Variants in TACR1 observed in about 807,000 individuals in gnomAD.
The protein encoded by TACR1 is tachykinin receptor 1, also known as substance-P receptor.
TACR1 carries 25 observed loss-of-function variants against 35.8 expected under a neutral mutation model. The ratio of observed to expected loss-of-function variants is 0.70; its 90% CI spans 0.51 to 0.98. TACR1 has a LOEUF of 0.98. TACR1 is among the 50% of genes least tolerant of loss of function. The probability of loss-of-function intolerance (pLI) is 0.00; values close to 1 mark genes in which losing one functional copy is unlikely to be tolerated. For missense variants in TACR1, 478 were observed against 522.9 expected (o/e 0.91, Z 0.84); for synonymous variants, 195 against 206.7 (o/e 0.94, Z 0.48).
chr2:75,129,627 A>G (rs546878615), intron 1 of TACR1, among the ~76,000 whole-genome samples: 2 of 152,354 alleles, frequency 1.3e-5, no homozygotes, highest in East Asian at 3.9e-4. Context: ...TTACGTGTCA[A>G]TTAAAACAAA....
At chr2:75,116,594 C>T (rs1398878892) in intron 2 of TACR1, among the ~76,000 whole-genome samples, 1 of 152,020 alleles carries the variant, frequency 6.6e-6, no homozygotes, top group Admixed American at 6.6e-5. Flanking sequence ...TGCATAGCTT[C>T]TTCTTTTCTA....
chr2:75,070,206 C>A (rs1020096152), intron 2 of TACR1, among the ~76,000 whole-genome samples: 1 of 150,818 alleles, frequency 6.6e-6, no homozygotes, highest in African/African-American at 2.5e-5. Flanking sequence ...GACCTACCCC[C>A]AACATTGTAT....
intron 1 of TACR1, chr2:75,187,058 A>G (rs1213416792): frequency 2.0e-5 from 3 of 152,300 alleles, no homozygotes; most frequent in Non-Finnish European, 4.4e-5. Context: ...AAACAGCACA[A>G]ATTCACTGAT....
chr2:75,142,855 C>T (rs553903170), intron 1 of TACR1, among the ~76,000 whole-genome samples: 2 of 152,208 alleles, frequency 1.3e-5, no homozygotes, highest in Non-Finnish European at 1.5e-5. Context: ...GAATTGGAAT[C>T]TTCCAGAGCC....
intron 1 of TACR1, 44 bp downstream of exon 1, chr2:75,198,501 TC>T: frequency 6.3e-7 from 1 of 1,594,020 alleles, no homozygotes; most frequent in Non-Finnish European, 8.6e-7. Flanking sequence ...AATGCCGTGG[TC>T]CTCTATGAGC....
intron 1 of TACR1, among the ~76,000 whole-genome samples, chr2:75,159,504 G>A (rs545503163): frequency 1.3e-5 from 2 of 152,254 alleles, no homozygotes; most frequent in Admixed American, 1.3e-4. Flanking sequence ...GAAACAGGAA[G>A]AATTTCCACT....
intron 1 of TACR1, among the ~76,000 whole-genome samples, chr2:75,126,626 G>T (rs1674077379): frequency 6.6e-6 from 1 of 152,076 alleles, no homozygotes; most frequent in African/African-American, 2.4e-5. Context: ...TGCAACAAAA[G>T]CAAAAATTGA....
At chr2:75,116,447 A>G (rs558185384) in intron 2 of TACR1, among the ~76,000 whole-genome samples, 27 of 152,248 alleles carry the variant, frequency 1.8e-4, no homozygotes, top group Middle Eastern at 3.4e-3. Context: ...GATGATGGAT[A>G]TTTGAAACAT....
At chr2:75,080,331 C>T (rs552373026) in intron 2 of TACR1, among the ~76,000 whole-genome samples, 1 of 152,300 alleles carries the variant, frequency 6.6e-6, no homozygotes, top group Admixed American at 6.5e-5. Flanking sequence ...CATGACAACA[C>T]ACATGCACAC....
intron 2 of TACR1, among the ~76,000 whole-genome samples, chr2:75,061,524 T>C (rs1467523216): frequency 6.6e-6 from 1 of 152,126 alleles, no homozygotes; most frequent in African/African-American, 2.4e-5. Context: ...TATGAAGCCC[T>C]CTGTACCTCT....
chr2:75,112,232 G>A (rs927806971), intron 2 of TACR1, among the ~76,000 whole-genome samples: 2 of 151,714 alleles, frequency 1.3e-5, no homozygotes, highest in Non-Finnish European at 2.9e-5. Context: ...TCTACCCCTA[G>A]TACTGAGTAT....
At chr2:75,055,289 C>T (rs1672547398) in intron 2 of TACR1, among the ~76,000 whole-genome samples, 2 of 152,220 alleles carry the variant, frequency 1.3e-5, no homozygotes, top group South Asian at 4.1e-4. Context: ...TTTGAAGATA[C>T]TCAAAGACTG....
chr2:75,078,899 T>A (rs1377243317), intron 2 of TACR1, among the ~76,000 whole-genome samples: 2 of 152,154 alleles, frequency 1.3e-5, no homozygotes, highest in Non-Finnish European at 2.9e-5. Flanking sequence ...TCACTCTCCA[T>A]CTAGTCACAA....
At position 75,193,729 on chromosome 2, in the gene TACR1, TTCC is replaced by T. The variant is rs547007823; in HGVS notation, c.389+4814_389+4816del. 4.8e-3 allele frequency among the ~76,000 whole-genome samples: 738 copies of T among 152,342 alleles called. 9 individuals carry two copies. The highest frequency in any genetic ancestry group is 0.016 in the African/African-American group (669 of 41,564). ...AACTCAGTTGCCCTATCTTGAGGTCTTCCTTGATCATTCATCACTGCTGGGCAG... is the reference window on the plus strand; with the variant it reads ...AACTCAGTTGCCCTATCTTGAGGTCTTTGATCATTCATCACTGCTGGGCAG... On this transcript the variant is annotated intron_variant, in intron 1 of 4. Transcript: ENST00000305249.
At chr2:75,142,182 C>G (rs1674420732) in intron 1 of TACR1, among the ~76,000 whole-genome samples, 1 of 152,202 alleles carries the variant, frequency 6.6e-6, no homozygotes. Flanking sequence ...TCTGCTTCCA[C>G]CTTCTGGCTA....
intron 1 of TACR1, among the ~76,000 whole-genome samples, chr2:75,157,007 G>C (rs1177619286): frequency 6.6e-6 from 1 of 152,180 alleles, no homozygotes; most frequent in African/African-American, 2.4e-5. Context: ...AGTCGGGGCT[G>C]GGTGCTCCAT....
rs940377994 is a variant in TACR1, at chr2:75,135,630, A to G, written c.390-14862T>C. ...TAATAGCTGCTTCAAGGATGGAAAT[A>G]CTCAGTTTATAACTTAAATAGTATT... On this transcript the variant is annotated intron_variant, in intron 1 of 4. Coordinates refer to ENST00000305249, the MANE Select transcript of TACR1 (RefSeq NM_001058.4). 5.3e-5 allele frequency among the ~76,000 whole-genome samples: 8 copies of G among 152,322 alleles called. No homozygotes were observed. The South Asian group carries it at 1.7e-3, about 32-fold the overall frequency.
intron 1 of TACR1, among the ~76,000 whole-genome samples, chr2:75,163,170 G>T (rs959717272): frequency 6.6e-6 from 1 of 152,224 alleles, no homozygotes; most frequent in Non-Finnish European, 1.5e-5. Flanking sequence ...TGATCCCTGA[G>T]TCAGCAGATG....
intron 1 of TACR1, among the ~76,000 whole-genome samples, chr2:75,130,375 TG>T (rs1442307499): frequency 6.6e-6 from 1 of 152,214 alleles, no homozygotes; most frequent in African/African-American, 2.4e-5. Flanking sequence ...AGCCACCAGA[TG>T]GGGTGGCAGG....
Sources: gnomAD v4.1 joint callset for allele counts (sites outside exome capture counted in the v4.1 genomes callset) on GRCh38, gnomAD v4.1.1 for gene constraint, MANE v1.5 for transcripts, NCBI Gene and HGNC (gene_info 2026-07-23, HGNC 2026-07-21) for gene names.